Variants in ZMAT4 observed in about 807,000 individuals in gnomAD.
ZMAT4 encodes zinc finger matrin-type 4.
ZMAT4 carries 17 observed loss-of-function variants against 28.7 expected under a neutral mutation model. The ratio of observed to expected loss-of-function variants is 0.59; its 90% CI spans 0.41 to 0.89. The LOEUF (loss-of-function observed/expected upper bound fraction) is 0.89, where lower values mean the gene tolerates loss of function less well. Among genes scored for constraint, ZMAT4 ranks in the 40% least tolerant of loss-of-function variants. The pLI, the probability that ZMAT4 is intolerant of heterozygous loss-of-function variation, is 0.00. For missense variants in ZMAT4, 240 were observed against 283.8 expected (o/e 0.85, Z 1.11); for synonymous variants, 117 against 109.2 (o/e 1.07, Z -0.44).
intron 1 of ZMAT4, among the ~76,000 whole-genome samples, chr8:40,843,069 C>T (rs56132642): frequency 0.014 from 2,172 of 152,230 alleles, 18 homozygotes; most frequent in Admixed American, 0.022. Flanking sequence ...AAGCCACTGT[C>T]CCCGGCCTAA....
intron 3 of ZMAT4, among the ~76,000 whole-genome samples, chr8:40,706,907 C>A (rs1402547659): frequency 2.0e-5 from 3 of 152,172 alleles, no homozygotes; most frequent in Admixed American, 6.5e-5. Flanking sequence ...ACCTCTCCCC[C>A]ACTAGACTAA....
At chr8:40,893,252 C>T (rs58840123) in intron 1 of ZMAT4, among the ~76,000 whole-genome samples, 3,322 of 152,238 alleles carry the variant, frequency 0.022, 120 homozygotes, top group African/African-American at 0.076. Context: ...ATGGCCCGCA[C>T]GAGAGGATGC....
At chr8:40,614,807 G>A (rs183099580) in intron 5 of ZMAT4, among the ~76,000 whole-genome samples, 1 of 151,992 alleles carries the variant, frequency 6.6e-6, no homozygotes, top group East Asian at 1.9e-4. Context: ...TTTATTTTGA[G>A]CCTATGTGTG....
intron 2 of ZMAT4, among the ~76,000 whole-genome samples, chr8:40,771,985 C>T (rs1484065218): frequency 1.3e-5 from 2 of 152,154 alleles, no homozygotes; most frequent in Non-Finnish European, 2.9e-5. Context: ...ACACTTAATA[C>T]CCACTTGTTA....
intron 5 of ZMAT4, among the ~76,000 whole-genome samples, chr8:40,647,238 C>T (rs1486626515): frequency 1.3e-5 from 2 of 152,168 alleles, no homozygotes; most frequent in Non-Finnish European, 2.9e-5. Context: ...TGAGCTGAAG[C>T]AGGGCGAGGC....
intron 1 of ZMAT4, among the ~76,000 whole-genome samples, chr8:40,887,269 A>C (rs1261406901): frequency 2.6e-5 from 4 of 151,586 alleles, no homozygotes; most frequent in Non-Finnish European, 5.9e-5. Context: ...AGGGTGGATC[A>C]CCTGAGGTTG....
chr8:40,531,027 A>T lies in ZMAT4; in HGVS notation c.*1196T>A, dbSNP rs760035113. ...GATGGATTGCCTATGGTCGTTAGGG[A>T]CACAGGGCAGCCCCAGCCAGATCCC... is the stretch of plus-strand genomic sequence containing the variant. On this transcript the variant is annotated 3_prime_UTR_variant, in exon 7 of 7. Transcript: ENST00000297737. The T allele has an allele frequency of 3.9e-5, 6 of 152,642 alleles. No individual in the cohort carries two copies. Among genetic ancestry groups the T allele is most frequent in the Non-Finnish European group, 8.8e-5 (6 of 68,086 alleles). 9.5% of individuals were successfully genotyped at this position (152,642 alleles called of 1,614,324 possible).
At chr8:40,847,415 C>A (rs1200504632) in intron 1 of ZMAT4, among the ~76,000 whole-genome samples, 1 of 152,318 alleles carries the variant, frequency 6.6e-6, no homozygotes, top group Non-Finnish European at 1.5e-5. Flanking sequence ...AAGTTGCTGG[C>A]ATTGTTCTTG....
chr8:40,881,567 AAAGAAAGAAAG>A (rs1209039927), intron 1 of ZMAT4, among the ~76,000 whole-genome samples: 1 of 104,590 alleles, frequency 9.6e-6, no homozygotes, highest in East Asian at 3.2e-4. Flanking sequence ...AGAAAGAAAG[AAAGAAAGAAAG>A]AAAGAAAGAA....
chr8:40,552,659 C>A (rs543369084), intron 6 of ZMAT4, among the ~76,000 whole-genome samples: 160 of 152,234 alleles, frequency 1.1e-3, no homozygotes, highest in Middle Eastern at 3.4e-3. Context: ...ACTTGAGACC[C>A]AGGGAGATGA....
rs1805371634 is a variant in ZMAT4, at chr8:40,601,642, A to AGGCAGGCAGGC, written c.578-20382_578-20381insGCCTGCCTGCC. ...AGAAAGAAAGAAAGAAAGAGAAAGA[A>AGGCAGGCAGGC]AGAAAGAAAGAAAGAAAGAAAGAAA... On this transcript the variant is annotated intron_variant, in intron 5 of 6. Transcript: ENST00000297737. 1.7e-4 allele frequency among the ~76,000 whole-genome samples: 7 copies of AGGCAGGCAGGC among 40,100 alleles called. 2 individuals carry two copies. The highest frequency in any genetic ancestry group is 1.1e-3 in the East Asian group (1 of 926). The allele number at this position is 40,100 out of a possible 152,430, so 26.3% of individuals were successfully genotyped here. A position where few individuals can be genotyped will look rare whatever the true frequency, so the allele number is the denominator to read the frequency against.
At chr8:40,676,226 C>CAAGGA (rs1482396051) in intron 4 of ZMAT4, among the ~76,000 whole-genome samples, 1 of 152,136 alleles carries the variant, frequency 6.6e-6, no homozygotes, top group Non-Finnish European at 1.5e-5. Context: ...CCAATGTTCC[C>CAAGGA]TTCAATACTT....
At chr8:40,782,894 C>T (rs7820759) in intron 2 of ZMAT4, among the ~76,000 whole-genome samples, 110,116 of 152,136 alleles carry the variant, frequency 0.72, 40,053 homozygotes, top group Middle Eastern at 0.8. Flanking sequence ...CTAAGGTGGC[C>T]ATCAGAAAGA....
chr8:40,872,082 C>A (rs1016656274), intron 1 of ZMAT4, among the ~76,000 whole-genome samples: 2 of 152,178 alleles, frequency 1.3e-5, no homozygotes, highest in African/African-American at 4.8e-5. Flanking sequence ...GAGGGAGTTT[C>A]TGCTTGGAAG....
intron 1 of ZMAT4, among the ~76,000 whole-genome samples, chr8:40,871,638 A>G (rs1389637712): frequency 6.6e-6 from 1 of 152,188 alleles, no homozygotes; most frequent in Non-Finnish European, 1.5e-5. Context: ...GAAGGGTACC[A>G]TTGCCAATAG....
intron 4 of ZMAT4, among the ~76,000 whole-genome samples, chr8:40,677,325 C>T (rs939666105): frequency 4.1e-5 from 6 of 146,288 alleles, no homozygotes; most frequent in African/African-American, 1.3e-4. Context: ...TCTGTTGTAA[C>T]TGTCTTCACT....
chr8:40,654,338 A>G (rs1263964025), intron 5 of ZMAT4, among the ~76,000 whole-genome samples: 1 of 152,072 alleles, frequency 6.6e-6, no homozygotes, highest in Non-Finnish European at 1.5e-5. Context: ...AGCCTGTGAA[A>G]TGCATGCAAT....
At chr8:40,670,242 A>C (rs1808610099) in intron 5 of ZMAT4, among the ~76,000 whole-genome samples, 1 of 152,224 alleles carries the variant, frequency 6.6e-6, no homozygotes, top group Admixed American at 6.5e-5. Flanking sequence ...AGGCTCACAC[A>C]ATCAAAAGAT....
chr8:40,606,515 T>C (rs993834373), intron 5 of ZMAT4, among the ~76,000 whole-genome samples: 3 of 152,262 alleles, frequency 2.0e-5, no homozygotes, highest in African/African-American at 7.2e-5. Context: ...CCCCAGTGCC[T>C]TCTGGCATGC....
Sources: gnomAD v4.1 joint callset for allele counts (sites outside exome capture counted in the v4.1 genomes callset) on GRCh38, gnomAD v4.1.1 for gene constraint, MANE v1.5 for transcripts, NCBI Gene and HGNC (gene_info 2026-07-23, HGNC 2026-07-21) for gene names.